Variants in TRAPPC8 observed in about 807,000 individuals in gnomAD.
TRAPPC8 encodes general sporulation gene 1 homolog.
TRAPPC8 carries 54 observed loss-of-function variants against 174.3 expected under a neutral mutation model. The observed-to-expected ratio is 0.31, with a 90% CI of 0.25 to 0.39. The LOEUF is 0.39. TRAPPC8 is among the 10% of genes least tolerant of loss of function. The pLI is 1.00. For missense variants in TRAPPC8, 1,531 were observed against 1,699.1 expected, an observed-to-expected ratio of 0.90 and a Z score of 1.74; for synonymous variants, 630 against 579.9, an observed-to-expected ratio of 1.09 and a Z score of -1.24.
chr18:31,916,265 A>C lies in TRAPPC8; in HGVS notation c.617+7T>G. On this transcript the variant is annotated splice_region_variant and intron_variant, in intron 4 of 28. Transcript: ENST00000283351. ...GGAAAAAATTTAAAACTAAAATAAA[A>C]ACTTACCTCTGTTCATCTCCTGCAC... The C allele has an allele frequency of 6.9e-7, 1 of 1,459,486 alleles. No individual in the cohort carries two copies. The highest frequency in any genetic ancestry group is 9.1e-7 in the Non-Finnish European group (1 of 1,103,110). The allele number at this position is 1,459,486 out of a possible 1,614,324, so 90.4% of individuals were successfully genotyped here.
intron 14 of TRAPPC8, 48 bp from the exon 15 acceptor site, chr18:31,871,168 T>C: frequency 8.7e-7 from 1 of 1,143,822 alleles, no homozygotes; most frequent in Non-Finnish European, 1.2e-6. Context: ...TGCCCTCAAA[T>C]AAAACATATT....
intron 10 of TRAPPC8, among the ~76,000 whole-genome samples, 185 bp from the exon 11 acceptor site, chr18:31,898,076 T>C (rs1392608329): frequency 6.6e-6 from 1 of 152,196 alleles, no homozygotes; most frequent in African/African-American, 2.4e-5. Context: ...GTATAGCATT[T>C]GCCTATTAAC....
Position 31,858,108 on chromosome 18 carries a change from T to C in TRAPPC8, c.2746-126A>G, listed in dbSNP as rs935072877. The C allele has an allele frequency of 5.2e-6, 4 of 767,292 alleles. 1 individual carries two copies. The Middle Eastern group carries it at 1.4e-3, about 267-fold the overall frequency. 47.5% of individuals were successfully genotyped at this position (767,292 alleles called of 1,614,324 possible). ...TACAAGTGTTTCATTAATTCTTTGG[T>C]ATCTCCCTGAATATGTGGCAGTTAA... On this transcript the variant is annotated intron_variant, in intron 19 of 28. Transcript: ENST00000283351.
At chr18:31,906,891 T>A (rs1284944474) in intron 9 of TRAPPC8, among the ~76,000 whole-genome samples, 1 of 152,152 alleles carries the variant, frequency 6.6e-6, no homozygotes, top group Non-Finnish European at 1.5e-5. Context: ...ATTCAATAAC[T>A]TGCCTAAGAT....
chr18:31,891,706 TTCC>T (rs1232434770), intron 11 of TRAPPC8, among the ~76,000 whole-genome samples: 1 of 152,184 alleles, frequency 6.6e-6, no homozygotes, highest in Non-Finnish European at 1.5e-5. Context: ...TACCATGCCC[TTCC>T]ATGTGTTCTG....
At chr18:31,904,170 G>A (rs1360881089) in intron 9 of TRAPPC8, among the ~76,000 whole-genome samples, 1 of 151,696 alleles carries the variant, frequency 6.6e-6, no homozygotes, top group East Asian at 1.9e-4. Flanking sequence ...CCAGGAGGTG[G>A]AGGCTGCATA....
At position 31,942,733 on chromosome 18, in the gene TRAPPC8, A is replaced by G; in HGVS notation, c.32T>C (p.Leu11Pro). ...ACAGGGGACGAAGGAGTCCGGGATT[A>G]GCTCCTGCACTGATTGTACACACTG... MAQCVQSVQE[L>P]IPDSFVPCVA... Residue 11 changes from leucine (L) to proline (P), a missense_variant, in exon 1 of 29, where the codon CTA becomes CCA. By Grantham distance (98) the Leu-to-Pro change is moderately conservative (BLOSUM62 -3). Coordinates refer to ENST00000283351, the MANE Select transcript of TRAPPC8 (RefSeq NM_014939.5). 1 of 1,604,118 alleles carries G rather than the reference A, an allele frequency of 6.2e-7. No individual in the cohort carries two copies. The highest frequency in any genetic ancestry group is 1.1e-5 in the South Asian group (1 of 89,744).
At chr18:31,918,171 C>CT (rs1187174813) in intron 2 of TRAPPC8, among the ~76,000 whole-genome samples, 1 of 151,912 alleles carries the variant, frequency 6.6e-6, no homozygotes, top group East Asian at 1.9e-4. Flanking sequence ...GTACACACAC[C>CT]TTTTAAGCCA....
chr18:31,885,014 C>T (rs959281412), intron 12 of TRAPPC8, among the ~76,000 whole-genome samples: 7 of 151,068 alleles, frequency 4.6e-5, no homozygotes, highest in East Asian at 1.9e-4. Flanking sequence ...CCACCACGCC[C>T]GGCTAATTTT....
In TRAPPC8 at chr18:31,935,732, C is replaced by T. The variant is rs533574647; in HGVS notation, c.158-4209G>A. Among the ~76,000 whole-genome samples the T allele has an allele frequency of 1.2e-4, 18 of 150,570 alleles. No homozygotes were observed. In the East Asian group the frequency reaches 3.5e-3, roughly 30 times the overall value. ...AGCCTGGACAACAGAGGGAGAGAGA[C>T]CCCATTTCTTTTTTTTTTTTTGAGA... is the stretch of plus-strand genomic sequence containing the variant. On this transcript the variant is annotated intron_variant, in intron 1 of 28. Transcript: ENST00000283351.
rs201125458 is a variant in TRAPPC8 at position 31,916,353 on chromosome 18, T to C, written c.536A>G (p.Tyr179Cys). 2.6e-5 allele frequency: 42 copies of C among 1,613,754 alleles called. No homozygotes were observed. The highest frequency in any genetic ancestry group is 6.7e-5 in the Admixed American group (4 of 59,956). Residue 179 changes from tyrosine (Y) to cysteine (C), a missense_variant, in exon 4 of 29, where the codon TAT becomes TGT. By Grantham distance (194) the Tyr-to-Cys change is radical. Coordinates refer to ENST00000283351, the MANE Select transcript of TRAPPC8 (RefSeq NM_014939.5). ...EQHRIQHNSD[Y>C]SYPKWFIPNT... ...TGGTATAAACCACTTGGGGTAGGAATAATCACTGTTGTGCTGAATTCGATG... is the reference window on the plus strand; with the variant it reads ...TGGTATAAACCACTTGGGGTAGGAACAATCACTGTTGTGCTGAATTCGATG...
intron 25 of TRAPPC8, among the ~76,000 whole-genome samples, chr18:31,849,005 C>T (rs2033560268): frequency 6.6e-6 from 1 of 151,614 alleles, no homozygotes; most frequent in South Asian, 2.1e-4. Context: ...TGAACACAGA[C>T]CATCAATTAG....
chr18:31,869,549 G>T (rs35556866), intron 16 of TRAPPC8, among the ~76,000 whole-genome samples: 8,181 of 151,944 alleles, frequency 0.054, 283 homozygotes, highest in Middle Eastern at 0.12. Flanking sequence ...TAATCTAAAG[G>T]TAAAAAGCCA....
chr18:31,914,887 A>C (rs1453760644), intron 4 of TRAPPC8, among the ~76,000 whole-genome samples: 1 of 152,234 alleles, frequency 6.6e-6, no homozygotes, highest in Non-Finnish European at 1.5e-5. Context: ...AATCATGAAT[A>C]TTAAAGGGAA....
intron 2 of TRAPPC8, among the ~76,000 whole-genome samples, chr18:31,924,910 A>C (rs2037549525): frequency 6.6e-6 from 1 of 152,126 alleles, no homozygotes; most frequent in African/African-American, 2.4e-5. Context: ...CAACCAAATC[A>C]TAACTATGTT....
rs2033439092 is a variant in TRAPPC8, at chr18:31,846,888, G to C, written c.3736-71C>G. On this transcript the variant is annotated intron_variant, in intron 25 of 28. Transcript: ENST00000283351. The stretch of plus-strand genomic sequence containing the variant: ...CTCTAAAGTAACCAACCCAATACTT[G>C]ATAGAAAGTGGAAATAATATGGCCA... 4 of 1,077,646 alleles carry C rather than the reference G, an allele frequency of 3.7e-6. No homozygotes were observed. The South Asian group carries it at 4.8e-5, about 13-fold the overall frequency. 66.8% of individuals were successfully genotyped at this position (1,077,646 alleles called of 1,614,324 possible). A position where few individuals can be genotyped will look rare whatever the true frequency, so the allele number is the denominator to read the frequency against.
At chr18:31,876,508 A>AAAAAAAAAAAAAAAAAAAG (rs2035160053) in intron 12 of TRAPPC8, among the ~76,000 whole-genome samples, 1 of 149,814 alleles carries the variant, frequency 6.7e-6, no homozygotes, top group African/African-American at 2.5e-5. Context: ...AAAAAAAAAA[A>AAAAAAAAAAAAAAAAAAAG]AAAAGATCAC....
chr18:31,884,213 G>A (rs181961620), intron 12 of TRAPPC8, among the ~76,000 whole-genome samples: 1 of 152,208 alleles, frequency 6.6e-6, no homozygotes, highest in Admixed American at 6.5e-5. Flanking sequence ...AACCAGATGG[G>A]AGTTTCCAGA....
intron 16 of TRAPPC8, among the ~76,000 whole-genome samples, chr18:31,869,827 G>A (rs921251844): frequency 2.6e-5 from 4 of 152,198 alleles, no homozygotes; most frequent in Non-Finnish European, 2.9e-5. Context: ...GGTGGCTCAT[G>A]CCTGTAATCC....
Sources: allele counts gnomAD v4.1 joint callset (sites outside exome capture counted in the v4.1 genomes callset), GRCh38; gene constraint gnomAD v4.1.1; transcripts MANE v1.5; gene names NCBI Gene and HGNC (gene_info 2026-07-23, HGNC 2026-07-21).